Variants in CCNY observed in about 807,000 individuals in gnomAD.
CCNY encodes cyclin-Y.
CCNY carries 19 observed loss-of-function variants against 42.8 expected under a neutral mutation model. The ratio of observed to expected loss-of-function variants is 0.44; its 90% CI spans 0.31 to 0.65. CCNY has a LOEUF of 0.65. Ranked by LOEUF, CCNY falls within the 30% of genes least tolerant of loss-of-function variation. The pLI, the probability that CCNY is intolerant of heterozygous loss-of-function variation, is 0.07. For synonymous variants in CCNY, 165 were observed against 162.7 expected, an observed-to-expected ratio of 1.01 and a Z score of -0.11; for missense variants, 370 against 437.3, an observed-to-expected ratio of 0.85 and a Z score of 1.37.
chr10:35,386,900 C>T (rs565410491), intron 1 of CCNY, among the ~76,000 whole-genome samples: 19 of 152,160 alleles, frequency 1.2e-4, no homozygotes, highest in African/African-American at 3.6e-4. Flanking sequence ...TCTCTGAAAG[C>T]GTTGGGAGTG....
At chr10:35,348,866 G>A (rs1836365979) in intron 1 of CCNY, among the ~76,000 whole-genome samples, 1 of 151,936 alleles carries the variant, frequency 6.6e-6, no homozygotes, top group African/African-American at 2.4e-5. Context: ...GAGAGAAACA[G>A]TTGTTGAAAT....
rs563358120 is a variant in CCNY at position 35,489,054 on chromosome 10, C to T, written c.229+5576C>T. ...CAGCACTTTGGGAGGCTGAGGCAAG[C>T]GGATCACGAGGTCAGGAGATCGAGA... On this transcript the variant is annotated intron_variant, in intron 2 of 9. Coordinates refer to ENST00000374704, the MANE Select transcript of CCNY (RefSeq NM_145012.6). 3.9e-5 allele frequency among the ~76,000 whole-genome samples: 6 copies of T among 152,252 alleles called. No individual in the cohort carries two copies. The East Asian group carries it at 5.8e-4, about 15-fold the overall frequency.
intron 1 of CCNY, among the ~76,000 whole-genome samples, chr10:35,410,116 A>T (rs967783043): frequency 6.6e-6 from 1 of 152,242 alleles, no homozygotes; most frequent in African/African-American, 2.4e-5. Flanking sequence ...TTGTCCTGTC[A>T]CCCAGGAGGA....
intron 3 of CCNY, among the ~76,000 whole-genome samples, chr10:35,324,310 C>T (rs1835855950): frequency 6.6e-6 from 1 of 152,206 alleles, no homozygotes; most frequent in Non-Finnish European, 1.5e-5. Flanking sequence ...TTCCTTACAT[C>T]ATCCACTGGA....
At chr10:35,522,387 C>T (rs555080540) in intron 4 of CCNY, among the ~76,000 whole-genome samples, 8 of 152,178 alleles carry the variant, frequency 5.3e-5, no homozygotes, top group Non-Finnish European at 1.0e-4. Context: ...TAGACATGCT[C>T]CTCTTACCCC....
chr10:35,374,796 A>G (rs1044125940), intron 1 of CCNY, among the ~76,000 whole-genome samples: 3 of 152,228 alleles, frequency 2.0e-5, no homozygotes, highest in East Asian at 1.9e-4. Context: ...TGGGAAAAAA[A>G]GGGGATGGAA....
chr10:35,247,522 G>A (rs982111817), intron 1 of CCNY, among the ~76,000 whole-genome samples: 1 of 151,940 alleles, frequency 6.6e-6, no homozygotes, highest in African/African-American at 2.4e-5. Flanking sequence ...GGAGTTTGAG[G>A]CTGCAGTGAG....
intron 3 of CCNY, chr10:35,320,946 A>G (rs1024713192): frequency 6.6e-6 from 1 of 152,454 alleles, no homozygotes. Context: ...CGGGCAACAC[A>G]GCAAGACCAA....
intron 1 of CCNY, among the ~76,000 whole-genome samples, chr10:35,463,693 T>A (rs1043718935): frequency 6.6e-6 from 1 of 152,246 alleles, no homozygotes; most frequent in Non-Finnish European, 1.5e-5. Flanking sequence ...TTATTAAATT[T>A]GGCAGCACAT....
chr10:35,318,448 TGAG>T (rs1835785349), intron 3 of CCNY, among the ~76,000 whole-genome samples: 1 of 152,134 alleles, frequency 6.6e-6, no homozygotes, highest in Non-Finnish European at 1.5e-5. Context: ...CTATATCTAC[TGAG>T]GAGAGATGAA....
chr10:35,350,491 C>G (rs1167710299), intron 1 of CCNY, among the ~76,000 whole-genome samples: 9 of 152,018 alleles, frequency 5.9e-5, no homozygotes, highest in African/African-American at 1.9e-4. Flanking sequence ...CATTTTCTGA[C>G]AGTGTGTAGC....
chr10:35,296,968 C>A lies in CCNY; in HGVS notation c.-9+46342C>A, dbSNP rs1317440463. 2.6e-5 allele frequency among the ~76,000 whole-genome samples: 4 copies of A among 152,010 alleles called. No individual in the cohort carries two copies. In the East Asian group the frequency reaches 7.7e-4, roughly 29 times the overall value. ...ACTCATTTTATGAGGCCAGTGTCAT[C>A]CTGATACCAAAACCTGGCAAAACAC... On this transcript the variant is annotated intron_variant, in intron 3 of 11. Transcript: ENST00000374706.
At chr10:35,250,914 A>G (rs1453307762) in intron 3 of CCNY, 2 of 152,168 alleles carry the variant, frequency 1.3e-5, no homozygotes, top group African/African-American at 4.8e-5. Flanking sequence ...TCAAGTATTG[A>G]TTGATGGATG....
At chr10:35,307,758 ATATG>A (rs1390278923) in intron 3 of CCNY, among the ~76,000 whole-genome samples, 11 of 99,784 alleles carry the variant, frequency 1.1e-4, no homozygotes, top group East Asian at 3.2e-4. Context: ...TGATGTGTAT[ATATG>A]TGTGTGTGTG....
chr10:35,344,220 C>A (rs1589047908), intron 1 of CCNY, among the ~76,000 whole-genome samples: 2 of 152,182 alleles, frequency 1.3e-5, no homozygotes, highest in East Asian at 3.9e-4. Flanking sequence ...AGAGAAGGCT[C>A]TTCTCAGGGG....
chr10:35,399,671 G>C (rs550306105), intron 1 of CCNY, among the ~76,000 whole-genome samples: 1 of 152,306 alleles, frequency 6.6e-6, no homozygotes, highest in East Asian at 1.9e-4. Flanking sequence ...ACGAGAGTCT[G>C]TCTCTACAAA....
intron 3 of CCNY, among the ~76,000 whole-genome samples, chr10:35,272,921 C>T (rs935926850): frequency 1.3e-5 from 2 of 151,160 alleles, no homozygotes; most frequent in African/African-American, 4.9e-5. Flanking sequence ...CACAACTTTG[C>T]TAGCACCTTT....
At chr10:35,343,334 A>AGTG (rs944424148) in intron 1 of CCNY, among the ~76,000 whole-genome samples, 2 of 140,930 alleles carry the variant, frequency 1.4e-5, no homozygotes, top group African/African-American at 5.3e-5. Flanking sequence ...AATTCCATGG[A>AGTG]GTGGTAGATT....
chr10:35,471,641 G>C (rs920631508), intron 1 of CCNY, among the ~76,000 whole-genome samples: 1 of 152,206 alleles, frequency 6.6e-6, no homozygotes, highest in African/African-American at 2.4e-5. Context: ...TTTGTGCTCA[G>C]CTGACACATG....
Sources: gnomAD v4.1 joint callset for allele counts (sites outside exome capture counted in the v4.1 genomes callset) on GRCh38, gnomAD v4.1.1 for gene constraint, MANE v1.5 for transcripts, NCBI Gene and HGNC (gene_info 2026-07-23, HGNC 2026-07-21) for gene names.